NID2: variants seen among roughly 807,000 people sequenced by gnomAD.
NID2 encodes the protein nidogen 2.
In NID2, 83 loss-of-function variants were observed where a neutral mutation model predicts 145.4. That is an observed-to-expected ratio of 0.57 (90% CI 0.48 to 0.69). The LOEUF (loss-of-function observed/expected upper bound fraction) is 0.69. NID2 is among the 30% of genes least tolerant of loss of function. The probability of loss-of-function intolerance (pLI) is 0.00; values close to 1 mark genes in which losing one functional copy is unlikely to be tolerated. For synonymous variants in NID2, 739 were observed against 701.3 expected (o/e 1.05, Z -0.85); for missense variants, 1,807 against 1,765.7 (o/e 1.02, Z -0.42).
intron 3 of NID2, among the ~76,000 whole-genome samples, chr14:52,054,684 G>C (rs534178152): frequency 1.3e-5 from 2 of 152,318 alleles, no homozygotes; most frequent in Admixed American, 6.5e-5. Context: ...ACCCCAGCCT[G>C]TGTGGCAGAG....
intron 5 of NID2, 47 bp downstream of exon 5, chr14:52,053,532 G>C: frequency 1.9e-6 from 3 of 1,555,560 alleles, no homozygotes; most frequent in East Asian, 2.3e-5. Context: ...TGCAAAACCA[G>C]CATGGTTAAG....
intron 7 of NID2, among the ~76,000 whole-genome samples, chr14:52,041,571 C>A (rs917742853): frequency 6.6e-6 from 1 of 152,154 alleles, no homozygotes; most frequent in African/African-American, 2.4e-5. Context: ...CACCTCCTAG[C>A]TTGGTAGAAA....
chr14:52,038,930 T>C lies in NID2; in HGVS notation c.2074A>G (p.Ile692Val). 1 of 1,614,060 alleles carries C rather than the reference T, an allele frequency of 6.2e-7. No individual in the cohort carries two copies. Among genetic ancestry groups the C allele is most frequent in the Non-Finnish European group, 8.5e-7 (1 of 1,179,988 alleles). The part of the protein sequence containing the change: ...SRDYSLTFGA[I>V]NQTWSYRIHQ... ...ATGCGGTAGGACCATGTTTGGTTGATTGCACCAAAAGTCAGAGAGTAGTCT... is the reference window on the plus strand; with the variant it reads ...ATGCGGTAGGACCATGTTTGGTTGACTGCACCAAAAGTCAGAGAGTAGTCT... Residue 692 changes from isoleucine (I) to valine (V), a missense_variant, in exon 9 of 22, where the codon ATC becomes GTC. Coordinates refer to ENST00000216286, the MANE Select transcript of NID2 (RefSeq NM_007361.4).
At chr14:52,007,166 AT>A (rs1413174815) in intron 19 of NID2, 1 of 153,296 alleles carries the variant, frequency 6.5e-6, no homozygotes, top group African/African-American at 2.4e-5. Context: ...CCATTCAAGA[AT>A]TTCCAAGTTT....
At chr14:52,037,899 T>C (rs1485777425) in intron 9 of NID2, among the ~76,000 whole-genome samples, 1 of 152,236 alleles carries the variant, frequency 6.6e-6, no homozygotes, top group East Asian at 1.9e-4. Context: ...AACAATTTCT[T>C]AATCTTTAGT....
At chr14:52,014,487 G>A (rs1171709589) in intron 15 of NID2, 31 bp from the exon 16 acceptor site, 2 of 1,578,652 alleles carry the variant, frequency 1.3e-6, no homozygotes, top group Admixed American at 1.9e-5. Flanking sequence ...GAGCAGGAAG[G>A]GGAACAAGGG....
intron 16 of NID2, 46 bp from the exon 17 acceptor site, chr14:52,011,729 C>A (rs757352396): frequency 6.2e-7 from 1 of 1,610,632 alleles, no homozygotes; most frequent in Non-Finnish European, 8.5e-7. Flanking sequence ...GTTACATTTC[C>A]CCTTTGTTCA....
chr14:52,020,234 C>G lies in NID2; in HGVS notation c.2675-56G>C, dbSNP rs183061176. On this transcript the variant is annotated intron_variant, in intron 12 of 21. Coordinates refer to ENST00000216286, the MANE Select transcript of NID2 (RefSeq NM_007361.4). ...AAAGAACACTATGACTTCACTCACA[C>G]AATCTGTGCGACTGCATGGGCTTTG... 2.9e-3 allele frequency: 4,577 copies of G among 1,605,926 alleles called. 20 individuals are homozygous for G. The highest frequency in any genetic ancestry group is 2.8e-3 in the Non-Finnish European group (3,297 of 1,175,312).
intron 7 of NID2, among the ~76,000 whole-genome samples, chr14:52,041,193 CAAAT>C (rs1235240778): frequency 1.1e-4 from 17 of 151,864 alleles, no homozygotes; most frequent in East Asian, 1.9e-4. Flanking sequence ...AAAACAAAAA[CAAAT>C]AAACTACCAC....
At chr14:52,041,519 C>A (rs183465235) in intron 7 of NID2, among the ~76,000 whole-genome samples, 14 of 152,308 alleles carry the variant, frequency 9.2e-5, no homozygotes, top group Admixed American at 6.5e-4. Flanking sequence ...TCTTCTAAAT[C>A]CTTGTTGTCA....
intron 16 of NID2, among the ~76,000 whole-genome samples, chr14:52,012,781 T>C (rs964625420): frequency 1.3e-5 from 2 of 152,230 alleles, no homozygotes; most frequent in Non-Finnish European, 2.9e-5. Context: ...AGAACTTGCT[T>C]CATTCAGTTT....
chr14:52,041,826 A>G lies in NID2; in HGVS notation c.1825+279T>C, dbSNP rs1279239098. 3.9e-5 allele frequency among the ~76,000 whole-genome samples: 6 copies of G among 152,362 alleles called. No individual in the cohort carries two copies. The East Asian group carries it at 9.6e-4, about 24-fold the overall frequency. Reference sequence around the variant, plus strand: ...TAAAAAGCCTGACAAATATGCTGCAACAAATTGGGGTAAGAGGACACAAAT... The same window carrying G: ...TAAAAAGCCTGACAAATATGCTGCAGCAAATTGGGGTAAGAGGACACAAAT... On this transcript the variant is annotated intron_variant, in intron 7 of 21. Transcript: ENST00000216286.
At chr14:52,029,502 A>G in intron 10 of NID2, 45 bp downstream of exon 10, 1 of 1,581,072 alleles carries the variant, frequency 6.3e-7, no homozygotes, top group Non-Finnish European at 8.7e-7. Context: ...AGGGCAGAGG[A>G]AAAACAAGGG....
intron 14 of NID2, 81 bp downstream of exon 14, chr14:52,018,980 T>G: frequency 9.7e-7 from 1 of 1,032,812 alleles, no homozygotes; most frequent in Non-Finnish European, 1.5e-6. Context: ...ACTGGCCCCG[T>G]GCCTGCGTGG....
chr14:52,018,994 G>T, intron 14 of NID2, 67 bp downstream of exon 14: 1 of 1,263,148 alleles, frequency 7.9e-7, no homozygotes, highest in Non-Finnish European at 1.1e-6. Flanking sequence ...TGCGTGGTCT[G>T]GGCAGGAATT....
chr14:52,036,433 C>G (rs1371709604), intron 9 of NID2, among the ~76,000 whole-genome samples: 1 of 152,134 alleles, frequency 6.6e-6, no homozygotes, highest in Non-Finnish European at 1.5e-5. Flanking sequence ...GTTGCTTCCA[C>G]CTTTTGGCTA....
chr14:52,067,785 C>T (rs1226531327), intron 2 of NID2, 73 bp downstream of exon 2: 1 of 1,542,090 alleles, frequency 6.5e-7, no homozygotes, highest in Non-Finnish European at 8.9e-7. Flanking sequence ...CCGAGCCAGT[C>T]CCTGGGTCGC....
intron 8 of NID2, among the ~76,000 whole-genome samples, chr14:52,039,638 G>C (rs1892203033): frequency 6.6e-6 from 1 of 152,168 alleles, no homozygotes; most frequent in Admixed American, 6.5e-5. Context: ...CAGCATAGGA[G>C]CAGCAGGGGT....
At chr14:52,065,090 A>T (rs1566777889) in intron 2 of NID2, among the ~76,000 whole-genome samples, 5 of 151,544 alleles carry the variant, frequency 3.3e-5, no homozygotes, top group Admixed American at 2.6e-4. Context: ...ATTTGTTCAC[A>T]TTTTTTTTTC....
Sources: allele counts gnomAD v4.1 joint callset (sites outside exome capture counted in the v4.1 genomes callset), GRCh38; gene constraint gnomAD v4.1.1; transcripts MANE v1.5; gene names NCBI Gene and HGNC (gene_info 2026-07-23, HGNC 2026-07-21).